Variants in SORBS3 observed in about 807,000 individuals in gnomAD.
SORBS3 encodes vinexin.
In SORBS3, 69 loss-of-function variants were observed where a neutral mutation model predicts 98.0. That is an observed-to-expected ratio of 0.70 (90% confidence interval 0.58 to 0.86). SORBS3 has a LOEUF of 0.86. SORBS3 is among the 40% of genes least tolerant of loss of function. SORBS3 has a pLI of 0.00. For missense variants in SORBS3, 954 were observed against 908.5 expected (o/e 1.05, Z -0.64); for synonymous variants, 394 against 355.4 (o/e 1.11, Z -1.22).
rs556768810 is a variant in SORBS3 at position 22,570,934 on chromosome 8, A to C, written c.1456A>C (p.Lys486Gln). The C allele has an allele frequency of 3.7e-6, 6 of 1,607,660 alleles. No homozygotes were observed. In the South Asian group the frequency reaches 5.5e-5, roughly 15 times the overall value. The change falls in exon 18 of 21, where the codon AAG becomes CAG. Residue 486 changes from lysine to glutamine, a missense_variant. By Grantham distance (53) the Lys-to-Gln change is moderately conservative. Coordinates refer to ENST00000240123, the MANE Select transcript of SORBS3 (RefSeq NM_005775.5). Reference sequence around the variant, plus strand: ...GGGAGAGCACATCTGCCTGATCCGCAAGGTGAACGAGAACTGGTACGAGGG... The same window carrying C: ...GGGAGAGCACATCTGCCTGATCCGCCAGGTGAACGAGAACTGGTACGAGGG... ...RKGEHICLIRKVNENWYEGRI... is the reference protein window; with the variant it reads ...RKGEHICLIRQVNENWYEGRI...
At chr8:22,551,749 C>A (rs924880122), upstream of SORBS3, 1 of 985,230 alleles carries the variant, frequency 1.0e-6, no homozygotes. The surrounding 1 kb of genome is among the most constrained non-coding windows in gnomAD (Gnocchi z 5.8). Flanking sequence ...TCCGGCCCAG[C>A]CCCGGCCCGC....
At chr8:22,555,364 A>G (rs1423393987) in intron 3 of SORBS3, among the ~76,000 whole-genome samples, 1 of 152,226 alleles carries the variant, frequency 6.6e-6, no homozygotes, top group Non-Finnish European at 1.5e-5. Flanking sequence ...CAGGCTACCC[A>G]GCAGGAGGTT....
intron 12 of SORBS3, 110 bp downstream of exon 12, chr8:22,565,982 A>T: frequency 1.3e-6 from 1 of 754,860 alleles, no homozygotes; most frequent in Non-Finnish European, 1.8e-6. Flanking sequence ...CAGCCGGGGG[A>T]GGAAGGAACC....
chr8:22,572,989 G>A (rs904556997), intron 20 of SORBS3, among the ~76,000 whole-genome samples: 3 of 152,258 alleles, frequency 2.0e-5, no homozygotes, highest in South Asian at 2.1e-4. Context: ...TTTCCCCAGA[G>A]TGGGCGGGCC....
intron 3 of SORBS3, among the ~76,000 whole-genome samples, chr8:22,555,544 A>G (rs1000422818): frequency 3.3e-5 from 5 of 150,432 alleles, no homozygotes; most frequent in African/African-American, 4.9e-5. Context: ...GCAACATAGC[A>G]AGACCCTGTC....
At chr8:22,561,623 T>G in intron 6 of SORBS3, 1 of 611,186 alleles carries the variant, frequency 1.6e-6, no homozygotes, top group Non-Finnish European at 2.9e-6. Context: ...CTCCCTTTCC[T>G]CATCTATAAG....
At chr8:22,571,476 A>G (rs1048501090) in intron 18 of SORBS3, among the ~76,000 whole-genome samples, 2 of 152,178 alleles carry the variant, frequency 1.3e-5, no homozygotes, top group African/African-American at 4.8e-5. Context: ...TGGTTCATCC[A>G]TGCTGGCGTC....
intron 7 of SORBS3, 61 bp from the exon 8 acceptor site, chr8:22,563,926 G>A: frequency 7.7e-7 from 1 of 1,302,012 alleles, no homozygotes; most frequent in Non-Finnish European, 1.1e-6. Context: ...AGGGCTGTGT[G>A]CTGGCTTCTG....
At chr8:22,559,110 G>A (rs996510111) in intron 5 of SORBS3, among the ~76,000 whole-genome samples, 1 of 152,196 alleles carries the variant, frequency 6.6e-6, no homozygotes, top group Non-Finnish European at 1.5e-5. Flanking sequence ...TGAAAAGATT[G>A]TGCCTGGCTG....
At position 22,554,444 on chromosome 8, in the gene SORBS3, C is replaced by G; in HGVS notation, c.-55-8C>G. 6.4e-7 allele frequency: 1 copy of G among 1,572,752 alleles called. No individual in the cohort carries two copies. Among genetic ancestry groups the G allele is most frequent in the Non-Finnish European group, 8.6e-7 (1 of 1,165,138 alleles). ...CAGGGCTTTCCCTTCCTTCCTCCTT[C>G]CCCACAGAGGACACGCAGAGGAGCA... On this transcript the variant is annotated splice_polypyrimidine_tract_variant and splice_region_variant and intron_variant, in intron 1 of 20. Transcript: ENST00000240123. This position sits in a 1 kb window ranked among gnomAD's most constrained non-coding sequence, Gnocchi z 6.5.
At position 22,554,527 on chromosome 8, in the gene SORBS3, C is replaced by T; in HGVS notation, c.21C>T (p.Ser7=). The change falls in exon 2 of 21, where the codon AGC becomes AGT. Residue 7 remains serine, a synonymous_variant. Coordinates refer to ENST00000240123, the MANE Select transcript of SORBS3 (RefSeq NM_005775.5). The surrounding 1 kb of genome is among the most constrained non-coding windows in gnomAD (Gnocchi z 6.5). ...CAAGCATGCAGGGCCCACCCCGCAGCCTCCGCGCTGGGCTCAGCCTGGACG... is the reference window on the plus strand; with the variant it reads ...CAAGCATGCAGGGCCCACCCCGCAGTCTCCGCGCTGGGCTCAGCCTGGACG... The part of the protein sequence containing the change: MQGPPR[S]LRAGLSLDDF... 1 of 1,612,374 alleles carries T rather than the reference C, an allele frequency of 6.2e-7. No individual in the cohort carries two copies.
At chr8:22,567,013 G>A in intron 15 of SORBS3, 48 bp from the exon 16 acceptor site, 1 of 1,570,062 alleles carries the variant, frequency 6.4e-7, no homozygotes, top group Non-Finnish European at 8.7e-7. Flanking sequence ...AGGGAAGGAG[G>A]CTTGGGAAGG....
intron 4 of SORBS3, among the ~76,000 whole-genome samples, chr8:22,557,889 A>G (rs1163595482): frequency 6.6e-6 from 1 of 152,200 alleles, no homozygotes; most frequent in African/African-American, 2.4e-5. Context: ...ATTGCCCCAA[A>G]TCTCATAACA....
chr8:22,571,901 A>T (rs1170931070), intron 19 of SORBS3, 80 bp downstream of exon 19: 5 of 1,017,908 alleles, frequency 4.9e-6, no homozygotes, highest in Non-Finnish European at 7.7e-6. Context: ...CCCTCCCCCA[A>T]GTCCCCACCT....
chr8:22,556,869 GC>G lies in SORBS3; in HGVS notation c.378del (p.Val127TrpfsTer51). 1 of 1,613,358 alleles carries G rather than the reference GC, an allele frequency of 6.2e-7. No homozygotes were observed. Among genetic ancestry groups the G allele is most frequent in the Non-Finnish European group, 8.5e-7 (1 of 1,180,044 alleles). ...GCTGGGTCAAGTACGAGGGAATCGG[GC>G]CCGTGGACGAGAGCGGCATGCCCAT... ...KRWVKYEGIG[P>X]VDESGMPIAP... On this transcript the variant is annotated frameshift_variant, in exon 4 of 21. Transcript: ENST00000240123. LOFTEE classifies it high-confidence loss of function.
At chr8:22,565,216 C>T (rs1302804372) in intron 10 of SORBS3, 52 bp from the exon 11 acceptor site, 1 of 1,497,688 alleles carries the variant, frequency 6.7e-7, no homozygotes, top group African/African-American at 1.4e-5. Context: ...ACCGCTGCCT[C>T]CCACCCCCAC....
chr8:22,563,963 A>C, intron 7 of SORBS3, 24 bp from the exon 8 acceptor site: 12 of 1,573,666 alleles, frequency 7.6e-6, no homozygotes, highest in Non-Finnish European at 8.7e-6. Context: ...AGGAAGCTGA[A>C]GAGATGTCCT....
At chr8:22,555,430 C>T (rs1840165883) in intron 3 of SORBS3, among the ~76,000 whole-genome samples, 1 of 152,182 alleles carries the variant, frequency 6.6e-6, no homozygotes, top group African/African-American at 2.4e-5. Context: ...GGGTGCAGGC[C>T]AGCCCTGAAC....
rs1044672132 is a variant in SORBS3 at position 22,566,887 on chromosome 8, C to G, written c.1190+19C>G. ...CCCCCAAGTAAGCGCCCTCCTCCCCCTCCCCTTCCACCCAAGGCAATCTCT... is the reference window on the plus strand; with the variant it reads ...CCCCCAAGTAAGCGCCCTCCTCCCCGTCCCCTTCCACCCAAGGCAATCTCT... On this transcript the variant is annotated intron_variant, in intron 15 of 20. Transcript: ENST00000240123. 2.5e-6 allele frequency: 4 copies of G among 1,603,576 alleles called. No individual in the cohort carries two copies. The South Asian group carries it at 3.3e-5, about 13-fold the overall frequency.
Sources: gnomAD v4.1 joint callset for allele counts (sites outside exome capture counted in the v4.1 genomes callset) on GRCh38, gnomAD v4.1.1 for gene constraint, Gnocchi (gnomAD v3.1) non-coding constraint, MANE v1.5 for transcripts, NCBI Gene and HGNC (gene_info 2026-07-23, HGNC 2026-07-21) for gene names.